The following MED12L variants were observed in gnomAD, a reference collection of about 807,000 sequenced individuals.
MED12L encodes the protein mediator of RNA polymerase II transcription subunit 12-like protein.
A neutral mutation model predicts 281.3 loss-of-function variants in MED12L; 60 were observed. The ratio of observed to expected loss-of-function variants is 0.21; its 90% CI spans 0.17 to 0.26. The LOEUF (loss-of-function observed/expected upper bound fraction) is 0.26, where lower values mean the gene tolerates loss of function less well. MED12L is among the 10% of genes least tolerant of loss of function. The pLI, the probability that MED12L is intolerant of heterozygous loss-of-function variation, is 1.00. For synonymous variants in MED12L, 974 were observed against 987.2 expected (o/e 0.99, Z 0.25); for missense variants, 2,146 against 2,680.9 (o/e 0.80, Z 4.41).
intron 11 of MED12L, among the ~76,000 whole-genome samples, chr3:151,169,608 A>G (rs1486234862): frequency 6.6e-6 from 1 of 152,178 alleles, no homozygotes; most frequent in East Asian, 1.9e-4. Context: ...GAACACTTTG[A>G]GAATTATAAG....
At position 151,357,165 on chromosome 3, in the gene MED12L, A is replaced by G. The variant is rs532325068; in HGVS notation, c.2662-48A>G. 2.8e-6 allele frequency: 4 copies of G among 1,446,096 alleles called. No individual in the cohort carries two copies. The Admixed American group carries it at 6.6e-5, about 24-fold the overall frequency. 89.6% of individuals were successfully genotyped at this position (1,446,096 alleles called of 1,614,324 possible). On this transcript the variant is annotated intron_variant, in intron 19 of 44. Coordinates refer to ENST00000687756, the MANE Select transcript of MED12L (RefSeq NM_001393769.1). ...GTTTATAAAAATAAATGTTTTCTCT[A>G]TTTGTTTTGGCACCTACATGTTTAT...
chr3:151,204,294 A>G (rs185564113), intron 16 of MED12L, among the ~76,000 whole-genome samples: 122 of 152,344 alleles, frequency 8.0e-4, no homozygotes, highest in African/African-American at 2.9e-3. Context: ...TAGTTTTTAA[A>G]AAGAAAAATG....
intron 2 of MED12L, among the ~76,000 whole-genome samples, chr3:151,099,922 T>C (rs1721191049): frequency 6.6e-6 from 1 of 152,140 alleles, no homozygotes; most frequent in South Asian, 2.1e-4. Context: ...GATGGAAGTT[T>C]CTAGGGATAG....
intron 14 of MED12L, among the ~76,000 whole-genome samples, chr3:151,192,166 T>C (rs947704297): frequency 6.6e-6 from 1 of 152,212 alleles, no homozygotes; most frequent in African/African-American, 2.4e-5. Flanking sequence ...TCTATCCTCC[T>C]GCTTTTTCTT....
At chr3:151,396,384 T>G (rs1714973582) in intron 39 of MED12L, among the ~76,000 whole-genome samples, 1 of 152,160 alleles carries the variant, frequency 6.6e-6, no homozygotes, top group African/African-American at 2.4e-5. Flanking sequence ...TCCCATCACT[T>G]TTGGAGGCTG....
At chr3:151,301,475 A>C (rs1745916314) in intron 16 of MED12L, among the ~76,000 whole-genome samples, 1 of 152,234 alleles carries the variant, frequency 6.6e-6, no homozygotes, top group East Asian at 1.9e-4. Flanking sequence ...GCCAATAAGC[A>C]GGACATAGAG....
rs201089474 is a variant in MED12L at position 151,156,270 on chromosome 3, G to T, written c.666G>T (p.Glu222Asp). Residue 222 changes from glutamate to aspartate, a missense_variant, in exon 6 of 45, where the codon GAG becomes GAT. Glu to Asp is a conservative substitution (Grantham distance 45). Transcript: ENST00000687756. ...ATGGCCCTGTCCCTGTGCCACCAGAGGTGGAGCAAGCCATGAAGCAATGGG... is the reference window on the plus strand; with the variant it reads ...ATGGCCCTGTCCCTGTGCCACCAGATGTGGAGCAAGCCATGAAGCAATGGG... ...TGDGPVPVPP[E>D]VEQAMKQWEY... 2.2e-4 allele frequency: 358 copies of T among 1,613,054 alleles called. No individual in the cohort carries two copies. Among genetic ancestry groups the T allele is most frequent in the Middle Eastern group, 1.6e-3 (10 of 6,082 alleles).
intron 5 of MED12L, among the ~76,000 whole-genome samples, chr3:151,155,059 AT>A (rs1719088338): frequency 6.6e-6 from 1 of 152,232 alleles, no homozygotes; most frequent in African/African-American, 2.4e-5. Context: ...CTGTTAAATA[AT>A]TTTAAGGGTA....
chr3:151,252,128 G>T (rs2149454583), intron 16 of MED12L, among the ~76,000 whole-genome samples: 1 of 152,104 alleles, frequency 6.6e-6, no homozygotes, highest in South Asian at 2.1e-4. Flanking sequence ...CCCTCCCTAT[G>T]CAGGATAAAC....
chr3:151,187,834 T>G (rs942131064), intron 12 of MED12L, among the ~76,000 whole-genome samples: 2 of 152,214 alleles, frequency 1.3e-5, no homozygotes, highest in African/African-American at 4.8e-5. Context: ...CAAAAACAGT[T>G]CAATAATATA....
At chr3:151,130,876 C>T (rs1417042503) in intron 5 of MED12L, among the ~76,000 whole-genome samples, 2 of 152,220 alleles carry the variant, frequency 1.3e-5, no homozygotes, top group African/African-American at 2.4e-5. Context: ...CATCTGTCTA[C>T]ATCCACTCCC....
chr3:151,308,121 A>G (rs561848762), intron 16 of MED12L, among the ~76,000 whole-genome samples: 1 of 152,326 alleles, frequency 6.6e-6, no homozygotes, highest in East Asian at 1.9e-4. Context: ...GGTGTAATTC[A>G]TGGCAAGTAT....
chr3:151,142,561 C>T (rs1308474121), intron 5 of MED12L, among the ~76,000 whole-genome samples: 1 of 152,182 alleles, frequency 6.6e-6, no homozygotes, highest in Non-Finnish European at 1.5e-5. Flanking sequence ...CAGACCCCTC[C>T]TTACATAGTT....
At chr3:151,208,051 C>A (rs1269423427) in intron 16 of MED12L, among the ~76,000 whole-genome samples, 2 of 152,172 alleles carry the variant, frequency 1.3e-5, no homozygotes, top group African/African-American at 4.8e-5. Context: ...TTTGCAAACA[C>A]TTAAGGAGCT....
chr3:151,155,516 T>A (rs965712605), intron 5 of MED12L, among the ~76,000 whole-genome samples: 1 of 152,142 alleles, frequency 6.6e-6, no homozygotes. Flanking sequence ...GTAGAATAAT[T>A]GAAGATCCAG....
Position 151,086,860 on chromosome 3 carries a change from C to CT in MED12L, c.-67_-66insT. On this transcript the variant is annotated 5_prime_UTR_variant, in exon 2 of 45. Coordinates refer to ENST00000687756, the MANE Select transcript of MED12L (RefSeq NM_001393769.1). ...GGAGTCTGTCTGCAAAGTGCTGCTC[C>CT]CTGGTGCTCAGAGGCGGCTGCTCCA... is the stretch of plus-strand genomic sequence containing the variant. The CT allele has an allele frequency of 7.6e-7, 1 of 1,307,426 alleles. No homozygotes were observed. Among genetic ancestry groups the CT allele is most frequent in the Non-Finnish European group, 1.1e-6 (1 of 943,274 alleles). 81.0% of individuals were successfully genotyped at this position (1,307,426 alleles called of 1,614,324 possible).
At chr3:151,109,684 T>C (rs1711573584) in intron 2 of MED12L, among the ~76,000 whole-genome samples, 1 of 152,220 alleles carries the variant, frequency 6.6e-6, no homozygotes, top group South Asian at 2.1e-4. Context: ...GTCTTGGACA[T>C]GTGTGTACAA....
intron 16 of MED12L, among the ~76,000 whole-genome samples, chr3:151,324,625 T>C (rs1214388399): frequency 6.6e-6 from 1 of 152,226 alleles, no homozygotes; most frequent in African/African-American, 2.4e-5. Context: ...TCTTGATCTC[T>C]AAAATGAAGA....
chr3:151,296,408 C>T (rs1010288658), intron 16 of MED12L, among the ~76,000 whole-genome samples: 1 of 152,158 alleles, frequency 6.6e-6, no homozygotes, highest in East Asian at 1.9e-4. Context: ...TTGCTGCTGC[C>T]ACGCTTCCCG....
Sources: gnomAD v4.1 joint callset for allele counts (sites outside exome capture counted in the v4.1 genomes callset) on GRCh38, gnomAD v4.1.1 for gene constraint, MANE v1.5 for transcripts, NCBI Gene and HGNC (gene_info 2026-07-23, HGNC 2026-07-21) for gene names.